Variants in CEP112 observed in about 807,000 individuals in gnomAD.
CEP112 encodes the protein centrosomal protein of 112 kDa.
A neutral mutation model predicts 153.0 loss-of-function variants in CEP112; 127 were observed. That is an observed-to-expected ratio of 0.83 (90% confidence interval 0.72 to 0.96). The LOEUF is 0.96. Among genes scored for constraint, CEP112 ranks in the 40% least tolerant of loss-of-function variants. CEP112 has a pLI of 0.00. For missense variants in CEP112, 1,089 were observed against 1,101.2 expected, an observed-to-expected ratio of 0.99 and a Z score of 0.16; for synonymous variants, 358 against 374.4, an observed-to-expected ratio of 0.96 and a Z score of 0.51.
intron 18 of CEP112, among the ~76,000 whole-genome samples, chr17:65,954,918 C>G (rs1014092377): frequency 6.6e-6 from 1 of 152,142 alleles, no homozygotes; most frequent in African/African-American, 2.4e-5. Flanking sequence ...GATGAGAAAG[C>G]TAAAAGTTTG....
chr17:66,073,019 A>G (rs946322982), intron 8 of CEP112, among the ~76,000 whole-genome samples: 1 of 152,146 alleles, frequency 6.6e-6, no homozygotes, highest in Admixed American at 6.6e-5. Flanking sequence ...AAACATTTCT[A>G]ATTAGTTTGA....
At chr17:65,691,051 A>G (rs1268496128) in intron 23 of CEP112, among the ~76,000 whole-genome samples, 3 of 152,126 alleles carry the variant, frequency 2.0e-5, no homozygotes, top group African/African-American at 7.2e-5. Context: ...CAGGTATGAA[A>G]TAGAGATGAT....
chr17:65,792,573 T>A (rs1371494207), intron 21 of CEP112, among the ~76,000 whole-genome samples: 1 of 70,748 alleles, frequency 1.4e-5, no homozygotes, highest in Non-Finnish European at 2.7e-5. Context: ...TACAGGAAGC[T>A]AAAAACTCTT....
intron 24 of CEP112, 95 bp from the exon 25 acceptor site, chr17:65,641,160 A>C: frequency 1.4e-6 from 1 of 707,904 alleles, no homozygotes; most frequent in Non-Finnish European, 2.5e-6. Flanking sequence ...ATCACAATGA[A>C]AGGTTTGTTA....
chr17:65,910,626 A>G (rs1481326770), intron 19 of CEP112, among the ~76,000 whole-genome samples: 2 of 152,236 alleles, frequency 1.3e-5, no homozygotes, highest in Non-Finnish European at 2.9e-5. Flanking sequence ...AATCAGAAAC[A>G]ATGAGTTGAA....
intron 8 of CEP112, among the ~76,000 whole-genome samples, chr17:66,082,746 G>A (rs1425395836): frequency 2.0e-5 from 3 of 150,702 alleles, no homozygotes; most frequent in African/African-American, 2.4e-5. Flanking sequence ...CTGGGCGACA[G>A]AGCGAGACTC....
At chr17:65,713,106 C>T (rs1225092601) in intron 23 of CEP112, among the ~76,000 whole-genome samples, 1 of 152,168 alleles carries the variant, frequency 6.6e-6, no homozygotes, top group African/African-American at 2.4e-5. Flanking sequence ...GTTTCCATTG[C>T]TGTGCTTTAC....
rs1464179456 is a variant in CEP112, at chr17:65,826,209, G to C, written c.2394+25595C>G. ...AAACTTCCTGCCTGCTCTGTCTTGG[G>C]GACATTACCATTCTCTTCTCTCATC... On this transcript the variant is annotated intron_variant, in intron 21 of 26. Transcript: ENST00000535342. The C allele has an allele frequency of 3.7e-6, 6 of 1,614,100 alleles. No homozygotes were observed. The South Asian group carries it at 6.6e-5, about 18-fold the overall frequency.
chr17:66,053,444 G>A (rs2066530271), intron 12 of CEP112, among the ~76,000 whole-genome samples: 1 of 152,082 alleles, frequency 6.6e-6, no homozygotes, highest in Non-Finnish European at 1.5e-5. Context: ...CCAAGGCCAT[G>A]CCGTTGCACT....
At chr17:65,795,259 T>TA (rs1480278519) in intron 21 of CEP112, among the ~76,000 whole-genome samples, 1 of 152,180 alleles carries the variant, frequency 6.6e-6, no homozygotes, top group African/African-American at 2.4e-5. Flanking sequence ...CTGAGATTCT[T>TA]AAAAATTGGT....
intron 21 of CEP112, among the ~76,000 whole-genome samples, chr17:65,802,155 T>C (rs896347317): frequency 6.6e-6 from 1 of 152,158 alleles, no homozygotes; most frequent in South Asian, 2.1e-4. Flanking sequence ...AGCTAATGAT[T>C]GGGTAGAGGT....
chr17:65,755,403 C>T (rs1346081271), intron 21 of CEP112, among the ~76,000 whole-genome samples: 1 of 152,188 alleles, frequency 6.6e-6, no homozygotes, highest in Non-Finnish European at 1.5e-5. Context: ...GATCCAACCA[C>T]TTCCCACCAG....
chr17:65,887,218 G>T (rs1300160600), intron 20 of CEP112, among the ~76,000 whole-genome samples: 7 of 152,128 alleles, frequency 4.6e-5, no homozygotes, highest in African/African-American at 1.7e-4. Flanking sequence ...CCTAGCCCTT[G>T]CACTTCAGAG....
At position 65,847,963 on chromosome 17, in the gene CEP112, C is replaced by T. The variant is rs1383938359; in HGVS notation, c.2394+3841G>A. Among the ~76,000 whole-genome samples, 7 of 152,122 alleles carry T rather than the reference C, an allele frequency of 4.6e-5. No homozygotes were observed. The East Asian group carries it at 1.3e-3, about 29-fold the overall frequency. ...CACATTCTGGGAAAAGACCAATGGACCCTTGCAGCCTTGTAGCCGAGGGCT... is the reference window on the plus strand; with the variant it reads ...CACATTCTGGGAAAAGACCAATGGATCCTTGCAGCCTTGTAGCCGAGGGCT... On this transcript the variant is annotated intron_variant, in intron 21 of 26. Coordinates refer to ENST00000535342, the MANE Select transcript of CEP112 (RefSeq NM_001199165.4).
At chr17:65,734,178 G>A (rs1336424675) in intron 23 of CEP112, among the ~76,000 whole-genome samples, 2 of 152,188 alleles carry the variant, frequency 1.3e-5, no homozygotes, top group African/African-American at 2.4e-5. Context: ...AGGGATGAAC[G>A]AGGTTGGCAC....
chr17:65,687,670 C>T (rs232121), intron 24 of CEP112, among the ~76,000 whole-genome samples: 67,645 of 151,556 alleles, frequency 0.45, 15,269 homozygotes, highest in Middle Eastern at 0.54. Context: ...CAAGTCAATT[C>T]AGTAAGTATT....
At chr17:65,804,950 G>A (rs1326003611) in intron 21 of CEP112, among the ~76,000 whole-genome samples, 1 of 151,668 alleles carries the variant, frequency 6.6e-6, no homozygotes, top group East Asian at 1.9e-4. Flanking sequence ...CTGGGTTCAA[G>A]CAATCCTCCC....
At chr17:65,933,240 A>G (rs1053875396) in intron 18 of CEP112, among the ~76,000 whole-genome samples, 2 of 152,138 alleles carry the variant, frequency 1.3e-5, no homozygotes, top group African/African-American at 4.8e-5. Flanking sequence ...GAGAAGAGAG[A>G]GAGAAATGCC....
At chr17:65,970,341 T>C (rs1175046880) in intron 17 of CEP112, among the ~76,000 whole-genome samples, 1 of 113,710 alleles carries the variant, frequency 8.8e-6, no homozygotes, top group Non-Finnish European at 1.9e-5. Flanking sequence ...GCATATTACA[T>C]GCATGTGCAC....
Sources: gnomAD v4.1 joint callset for allele counts (sites outside exome capture counted in the v4.1 genomes callset) on GRCh38, gnomAD v4.1.1 for gene constraint, MANE v1.5 for transcripts, NCBI Gene and HGNC (gene_info 2026-07-23, HGNC 2026-07-21) for gene names.